Variants in HDAC8 observed in about 807,000 individuals in gnomAD.
HDAC8 encodes the protein histone deacetylase 8.
In HDAC8, 1 loss-of-function variant was observed where a neutral mutation model predicts 32.2. That is an observed-to-expected ratio of 0.03 (90% confidence interval 0.01 to 0.15). The LOEUF is 0.15. HDAC8 is among the 10% of genes least tolerant of loss of function. The pLI, the probability that HDAC8 is intolerant of heterozygous loss-of-function variation, is 1.00. For missense variants in HDAC8, 117 were observed against 300.0 expected (o/e 0.39, Z 4.51); for synonymous variants, 108 against 113.9 (o/e 0.95, Z 0.33).
At chrX:72,503,742 C>T (rs1465085462) in intron 4 of HDAC8, among the ~76,000 whole-genome samples, 1 of 111,915 alleles carries the variant, frequency 8.9e-6, no homozygotes, top group Admixed American at 9.5e-5. Flanking sequence ...CAAGGCCTTA[C>T]CTGGAATGCC....
intron 4 of HDAC8, among the ~76,000 whole-genome samples, chrX:72,530,403 A>T (rs1765865741): frequency 1.8e-5 from 2 of 108,467 alleles, no homozygotes; most frequent in Admixed American, 2.0e-4. Flanking sequence ...AGCAATTATA[A>T]TCTGTCTTAA....
intron 4 of HDAC8, among the ~76,000 whole-genome samples, chrX:72,558,911 T>C (rs1427138302): frequency 1.8e-5 from 2 of 110,453 alleles, no homozygotes; most frequent in Non-Finnish European, 3.8e-5. Flanking sequence ...ACAAAATTAA[T>C]ATACATAAAT....
chrX:72,498,502 G>C (rs2049103958), intron 4 of HDAC8, among the ~76,000 whole-genome samples: 1 of 111,468 alleles, frequency 9.0e-6, no homozygotes, highest in African/African-American at 3.3e-5. Flanking sequence ...ATGTTAACTT[G>C]GTCTCCACAT....
At chrX:72,330,161 T>C in intron 10 of HDAC8, 85 bp from the exon 11 acceptor site, 1 of 819,021 alleles carries the variant, frequency 1.2e-6, no homozygotes, top group Non-Finnish European at 1.8e-6. Context: ...AAAAAGCACT[T>C]ATATTTTGGG....
At chrX:72,386,978 G>A (rs868909438) in intron 9 of HDAC8, among the ~76,000 whole-genome samples, 1 of 112,359 alleles carries the variant, frequency 8.9e-6, no homozygotes, top group Non-Finnish European at 1.9e-5. Context: ...CCACTCTGGA[G>A]CTGAACTAGC....
In HDAC8 at chrX:72,420,505, C is replaced by G. The variant is rs1301491445; in HGVS notation, c.1005+41499G>C. ...GCATCTTTCTTTTTTCTTTGTCAGT[C>G]TAGCTCAAGGTTTGTCAATTTCATT... On this transcript the variant is annotated intron_variant, in intron 9 of 10. Coordinates refer to ENST00000373573, the MANE Select transcript of HDAC8 (RefSeq NM_018486.3). 2.7e-5 allele frequency among the ~76,000 whole-genome samples: 3 copies of G among 112,155 alleles called. No individual in the cohort carries two copies. In the South Asian group the frequency reaches 1.1e-3, roughly 41 times the overall value.
At chrX:72,473,779 A>C in intron 7 of HDAC8, 2 of 754,492 alleles carry the variant, frequency 2.7e-6, no homozygotes, top group Non-Finnish European at 3.1e-6. Context: ...GAAGAGTGTT[A>C]ATCTTCCCAA....
intron 4 of HDAC8, among the ~76,000 whole-genome samples, chrX:72,504,771 C>T (rs1175187339): frequency 8.9e-6 from 1 of 112,147 alleles, no homozygotes; most frequent in Non-Finnish European, 1.9e-5. Flanking sequence ...TGAGGAACGA[C>T]CAAACTGTTT....
chrX:72,560,005 C>T (rs1652567), intron 4 of HDAC8, among the ~76,000 whole-genome samples: 5 of 111,443 alleles, frequency 4.5e-5, no homozygotes, highest in African/African-American at 1.6e-4. Context: ...TCTGCCCGGC[C>T]GCCCCGTCTG....
At chrX:72,364,829 G>T (rs2044652050) in intron 9 of HDAC8, among the ~76,000 whole-genome samples, 1 of 111,506 alleles carries the variant, frequency 9.0e-6, no homozygotes, top group Non-Finnish European at 1.9e-5. Context: ...TACAAAAAAA[G>T]ACCCCCGAAA....
intron 9 of HDAC8, among the ~76,000 whole-genome samples, chrX:72,409,699 G>T (rs1220757692): frequency 1.8e-5 from 2 of 112,500 alleles, no homozygotes; most frequent in Non-Finnish European, 3.8e-5. Flanking sequence ...CCTCTGTGAA[G>T]TCTTTCTCAA....
At chrX:72,554,688 A>G (rs2051221281) in intron 4 of HDAC8, among the ~76,000 whole-genome samples, 1 of 111,258 alleles carries the variant, frequency 9.0e-6, no homozygotes, top group Non-Finnish European at 1.9e-5. Context: ...ACTCTACTGG[A>G]CTGGGAACCA....
At chrX:72,488,546 T>C (rs2048756479) in intron 7 of HDAC8, among the ~76,000 whole-genome samples, 1 of 112,032 alleles carries the variant, frequency 8.9e-6, no homozygotes, top group African/African-American at 3.2e-5. Context: ...TTTACACCAG[T>C]AGAAGAAAGC....
intron 4 of HDAC8, among the ~76,000 whole-genome samples, chrX:72,507,232 C>G (rs782386761): frequency 9.0e-5 from 10 of 111,455 alleles, no homozygotes; most frequent in Non-Finnish European, 1.5e-4. Context: ...TTGCCATTGT[C>G]TCTCAACAGA....
At chrX:72,385,901 C>G (rs985277259) in intron 9 of HDAC8, among the ~76,000 whole-genome samples, 5 of 112,097 alleles carry the variant, frequency 4.5e-5, no homozygotes, top group African/African-American at 1.3e-4. Context: ...ACCGCCTCTG[C>G]CAGGTCCACA....
rs141306915 is a variant in HDAC8 at position 72,567,954 on chromosome X, T to C, written c.372A>G (p.Gln124=). 9 of 1,209,845 alleles carry C rather than the reference T, an allele frequency of 7.4e-6. No individual in the cohort carries two copies. The African/African-American group carries it at 8.7e-5, about 12-fold the overall frequency. ...AIGGATITAA[Q]CLIDGMCKVA... ...CTTTGCACATTCCGTCAATCAGGCA[T>C]TGGGCAGCTGTGATCGTAGCCCCTC... Residue 124 remains glutamine (Q), a synonymous_variant, in exon 4 of 11, where the codon CAA becomes CAG. Coordinates refer to ENST00000373573, the MANE Select transcript of HDAC8 (RefSeq NM_018486.3).
At chrX:72,482,602 TGG>T (rs72385401) in intron 7 of HDAC8, among the ~76,000 whole-genome samples, 13 of 107,084 alleles carry the variant, frequency 1.2e-4, no homozygotes, top group Non-Finnish European at 2.3e-4. Context: ...GTTTCTATTT[TGG>T]GGGGGGGGAT....
At chrX:72,402,769 A>G (rs2147877794) in intron 9 of HDAC8, among the ~76,000 whole-genome samples, 1 of 110,406 alleles carries the variant, frequency 9.1e-6, no homozygotes, top group South Asian at 3.8e-4. Context: ...CTGTTTGTCT[A>G]TTTCTTCCTT....
chrX:72,546,049 C>T (rs781805709), intron 4 of HDAC8, among the ~76,000 whole-genome samples: 4 of 111,892 alleles, frequency 3.6e-5, no homozygotes, highest in Non-Finnish European at 7.5e-5. Context: ...CTACCATTTA[C>T]TCTCTCTGAG....
Sources: allele counts gnomAD v4.1 joint callset (sites outside exome capture counted in the v4.1 genomes callset), GRCh38; gene constraint gnomAD v4.1.1; transcripts MANE v1.5; gene names NCBI Gene and HGNC (gene_info 2026-07-23, HGNC 2026-07-21).